The following CASP6 variants were observed in gnomAD, a reference collection of about 807,000 sequenced individuals.
CASP6 encodes the protein caspase 6, also known as caspase-6.
A neutral mutation model predicts 31.8 loss-of-function variants in CASP6; 20 were observed. That is an observed-to-expected ratio of 0.63 (90% CI 0.44 to 0.91). CASP6 has a LOEUF of 0.91. Ranked by LOEUF, CASP6 falls within the 40% of genes least tolerant of loss-of-function variation. CASP6 has a pLI of 0.00. For synonymous variants in CASP6, 130 were observed against 127.8 expected, an observed-to-expected ratio of 1.02 and a Z score of -0.12; for missense variants, 328 against 361.1, an observed-to-expected ratio of 0.91 and a Z score of 0.74.
At chr4:109,694,497 A>C in intron 5 of CASP6, 28 bp downstream of exon 5, 1 of 1,500,672 alleles carries the variant, frequency 6.7e-7, no homozygotes, top group South Asian at 1.4e-5. Context: ...AGACTTTATA[A>C]TTAAGATGAT....
Position 109,698,698 on chromosome 4 carries a change from C to T in CASP6, c.41-356G>A, listed in dbSNP as rs11574694. ...TTGTTATGCAGAAAATGTTTTTGCA[C>T]ATTTTCTGAAAAAGAATTAAGTCCT... On this transcript the variant is annotated intron_variant, in intron 1 of 6. Coordinates refer to ENST00000265164, the MANE Select transcript of CASP6 (RefSeq NM_001226.4). Among the ~76,000 whole-genome samples, 615 of 151,730 alleles carry T rather than the reference C, an allele frequency of 4.1e-3. 7 individuals are homozygous for T. The highest frequency in any genetic ancestry group is 0.014 in the African/African-American group (572 of 41,006).
Position 109,691,004 on chromosome 4 carries a change from A to G in CASP6, c.489T>C (p.Cys163=), listed in dbSNP as rs993910122. Residue 163 remains cysteine, a synonymous_variant, in exon 6 of 7, where the codon TGT becomes TGC. Transcript: ENST00000265164. ...GKPKIFIIQA[C]RGNQHDVPVI... ...CTGGCACATCGTGCTGGTTTCCCCG[A>G]CATGCCTACAAGACAAGGAGGAAAA... The G allele has an allele frequency of 6.8e-6, 11 of 1,609,838 alleles. No homozygotes were observed. The African/African-American group carries it at 1.2e-4, about 18-fold the overall frequency.
At chr4:109,687,705 T>C, downstream of CASP6, 1 of 693,174 alleles carries the variant, frequency 1.4e-6, no homozygotes, top group Non-Finnish European at 2.5e-6. Flanking sequence ...ATTAAATTCT[T>C]GTAAAACAGA....
the CASP6 span, among the ~76,000 whole-genome samples, chr4:109,681,961 G>A: frequency 6.6e-6 from 1 of 152,228 alleles, no homozygotes; most frequent in African/African-American, 2.4e-5. Flanking sequence ...TTGCTGGCTC[G>A]AATGCCTGGT....
the CASP6 span, among the ~76,000 whole-genome samples, chr4:109,678,947 G>T: frequency 3.6e-3 from 535 of 149,578 alleles, 15 homozygotes; most frequent in South Asian, 0.059. Flanking sequence ...AGGGTGGCCG[G>T]GCAGAGGCGC....
intron 5 of CASP6, among the ~76,000 whole-genome samples, chr4:109,693,761 C>T (rs1579108292): frequency 7.0e-6 from 1 of 142,546 alleles, no homozygotes; most frequent in Non-Finnish European, 1.5e-5. Context: ...TTTTTTTAGA[C>T]AGAGTCTCGC....
the CASP6 span, among the ~76,000 whole-genome samples, chr4:109,667,854 ATTTAT>A: frequency 2.6e-5 from 4 of 151,232 alleles, no homozygotes; most frequent in African/African-American, 9.7e-5. Flanking sequence ...TTGTATTTTC[ATTTAT>A]TTTAAAATAT....
At chr4:109,683,690 C>G (rs909812736), downstream of CASP6, among the ~76,000 whole-genome samples, 1 of 152,156 alleles carries the variant, frequency 6.6e-6, no homozygotes, top group Admixed American at 6.5e-5. Context: ...TGGCACAGAG[C>G]TTCATTACAG....
chr4:109,700,592 T>A (rs973642451), intron 1 of CASP6, among the ~76,000 whole-genome samples: 2 of 152,128 alleles, frequency 1.3e-5, no homozygotes, highest in Non-Finnish European at 2.9e-5. Context: ...ATTTTTTTTT[T>A]AAGTTTTTTG....
the CASP6 span, among the ~76,000 whole-genome samples, chr4:109,679,240 C>T: frequency 0.022 from 3,385 of 152,236 alleles, 115 homozygotes; most frequent in African/African-American, 0.078. Flanking sequence ...ACTTCCTAGA[C>T]GGGGTGGCGG....
downstream of CASP6, chr4:109,684,670 G>A: frequency 2.7e-6 from 3 of 1,131,068 alleles, no homozygotes; most frequent in South Asian, 3.9e-5. Context: ...TAGGAAAATG[G>A]TAAGTTAGAA....
intron 1 of CASP6, 74 bp downstream of exon 1, chr4:109,703,282 A>T: frequency 6.5e-7 from 1 of 1,534,684 alleles, no homozygotes; most frequent in African/African-American, 1.4e-5. Flanking sequence ...CGCCCGGTCC[A>T]CTAACCCTCG....
the CASP6 span, among the ~76,000 whole-genome samples, chr4:109,679,228 T>C: frequency 6.6e-6 from 1 of 151,994 alleles, no homozygotes; most frequent in Non-Finnish European, 1.5e-5. Context: ...GAGACACTCC[T>C]TACTTCCTAG....
chr4:109,677,982 G>T, the CASP6 span, among the ~76,000 whole-genome samples: 1 of 151,876 alleles, frequency 6.6e-6, no homozygotes, highest in African/African-American at 2.4e-5. Context: ...CAGTGTTTGT[G>T]TCCCTGGGTA....
downstream of CASP6, chr4:109,684,489 T>C (rs1729790366): frequency 6.2e-7 from 1 of 1,613,674 alleles, no homozygotes; most frequent in African/African-American, 1.3e-5. Flanking sequence ...ACCAGTGGAC[T>C]CCTGTGGGCT....
chr4:109,709,629 A>T, the CASP6 span, among the ~76,000 whole-genome samples: 1 of 152,214 alleles, frequency 6.6e-6, no homozygotes, highest in African/African-American at 2.4e-5. Context: ...CATTATTCAA[A>T]GGCAATATAT....
At chr4:109,682,428 G>A in the CASP6 span, among the ~76,000 whole-genome samples, 1 of 151,646 alleles carries the variant, frequency 6.6e-6, no homozygotes, top group Non-Finnish European at 1.5e-5. Context: ...CTTTTCAAAT[G>A]TATATTACAC....
Position 109,696,490 on chromosome 4 carries a change from G to A in CASP6, c.231-4C>T, listed in dbSNP as rs1353940679. On this transcript the variant is annotated splice_polypyrimidine_tract_variant and splice_region_variant and intron_variant, in intron 3 of 6. Coordinates refer to ENST00000265164, the MANE Select transcript of CASP6 (RefSeq NM_001226.4). ...TTCAAATCCTAGATCTGAAAACCTA[G>A]TGGTATATTAAATGAAATGTTAGCC... 1 of 1,599,184 alleles carries A rather than the reference G, an allele frequency of 6.3e-7. No individual in the cohort carries two copies. The highest frequency in any genetic ancestry group is 1.1e-5 in the South Asian group (1 of 90,336).
At chr4:109,684,491 C>T (rs779778457), downstream of CASP6, 25 of 1,613,794 alleles carry the variant, frequency 1.5e-5, no homozygotes, top group Admixed American at 4.2e-4. Context: ...CAGTGGACTC[C>T]TGTGGGCTGG....
Sources: gnomAD v4.1 joint callset for allele counts (sites outside exome capture counted in the v4.1 genomes callset) on GRCh38, gnomAD v4.1.1 for gene constraint, MANE v1.5 for transcripts, NCBI Gene and HGNC (gene_info 2026-07-23, HGNC 2026-07-21) for gene names.